The following SPRED3 variants were observed in gnomAD, a reference collection of about 807,000 sequenced individuals.
SPRED3 encodes sprouty related EVH1 domain containing 3.
In SPRED3, 23 loss-of-function variants were observed where a neutral mutation model predicts 37.6. That is an observed-to-expected ratio of 0.61 (90% confidence interval 0.44 to 0.87). The LOEUF is 0.87. SPRED3 is among the 40% of genes least tolerant of loss of function. The pLI, the probability that SPRED3 is intolerant of heterozygous loss-of-function variation, is 0.00. For missense variants in SPRED3, 584 were observed against 618.6 expected, an observed-to-expected ratio of 0.94 and a Z score of 0.59; for synonymous variants, 302 against 279.6, an observed-to-expected ratio of 1.08 and a Z score of -0.80.
At chr19:38,392,612 AT>A (rs1034365136) in intron 4 of SPRED3, 16 of 215,766 alleles carry the variant, frequency 7.4e-5, no homozygotes, top group Admixed American at 2.3e-4. Flanking sequence ...ATTAAAAAAA[AT>A]ATATATATAA....
chr19:38,390,453 C>G lies in SPRED3; in HGVS notation c.151C>G (p.His51Asp). 1 of 1,391,094 alleles carries G rather than the reference C, an allele frequency of 7.2e-7. No homozygotes were observed. The highest frequency in any genetic ancestry group is 9.3e-7 in the Non-Finnish European group (1 of 1,069,974). The allele number at this position is 1,391,094 out of a possible 1,614,324, so 86.2% of individuals were successfully genotyped here. ...GGCCCGCCAGGGGCACTACGTCATC[C>G]ACGGGGAACGCCTCCGGGACCAGAA... ...GGARQGHYVI[H>D]GERLRDQKTT... The change falls in exon 2 of 6, where the codon CAC becomes GAC. Residue 51 changes from histidine to aspartate, a missense_variant. Physicochemically the swap from His to Asp is moderately conservative, Grantham distance 81. Transcript: ENST00000691638.
chr19:38,394,599 G>C lies in SPRED3; in HGVS notation c.424-44G>C. On this transcript the variant is annotated intron_variant, in intron 4 of 5. Transcript: ENST00000691638. ...GGGGGTCTATGTGAGGGCATCGGCT[G>C]TGCGGGGGCGTGTCCCCGCGCTGAG... The C allele has an allele frequency of 4.5e-6, 7 of 1,563,306 alleles. No individual in the cohort carries two copies. In the South Asian group the frequency reaches 8.1e-5, roughly 18 times the overall value.
Position 38,395,132 on chromosome 19 carries a change from A to G in SPRED3, c.567+346A>G, listed in dbSNP as rs1337147357. 6.6e-6 allele frequency among the ~76,000 whole-genome samples: 1 copy of G among 152,136 alleles called. No homozygotes were observed. The highest frequency in any genetic ancestry group is 1.5e-5 in the Non-Finnish European group (1 of 68,014). ...GGGGAGGGTGGGAGAGTCGGTACCCAGAAGGGTAAAAGAGGCCCAGGAACC... is the reference window on the plus strand; with the variant it reads ...GGGGAGGGTGGGAGAGTCGGTACCCGGAAGGGTAAAAGAGGCCCAGGAACC... On this transcript the variant is annotated intron_variant, in intron 5 of 5. Transcript: ENST00000691638. This position sits in a 1 kb window ranked among gnomAD's most constrained non-coding sequence, Gnocchi z 5.2.
rs538248708 is a variant in SPRED3 at position 38,396,200 on chromosome 19, G to C, written c.*55G>C. 6.2e-4 allele frequency: 735 copies of C among 1,194,918 alleles called. 1 individual carries two copies. Among genetic ancestry groups the C allele is most frequent in the Non-Finnish European group, 7.1e-4 (675 of 957,278 alleles). 74.0% of individuals were successfully genotyped at this position (1,194,918 alleles called of 1,614,324 possible). ...CGAGGACCCAAAATTGAGGGTCCAG[G>C]ACCCCGGACTCCGTTCGGACCTAAA... is the stretch of plus-strand genomic sequence containing the variant. On this transcript the variant is annotated 3_prime_UTR_variant, in exon 6 of 6. Coordinates refer to ENST00000691638, the MANE Select transcript of SPRED3 (RefSeq NM_001394336.1).
Position 38,395,766 on chromosome 19 carries a change from C to G in SPRED3, c.854C>G (p.Ala285Gly). Residue 285 changes from alanine to glycine, a missense_variant, in exon 6 of 6, where the codon GCC becomes GGC. Ala to Gly is a moderately conservative substitution (Grantham distance 60, BLOSUM62 0). Coordinates refer to ENST00000691638, the MANE Select transcript of SPRED3 (RefSeq NM_001394336.1). This position sits in a 1 kb window ranked among gnomAD's most constrained non-coding sequence, Gnocchi z 5.2. Reference sequence around the variant, plus strand: ...GGCCCGGGCCCATCCTCTGCGCCTGCCAAGGCCTCCCCGGAAGCGGAGGAG... The same window carrying G: ...GGCCCGGGCCCATCCTCTGCGCCTGGCAAGGCCTCCCCGGAAGCGGAGGAG... ...PPGPGPSSAP[A>G]KASPEAEEAA... The G allele has an allele frequency of 6.8e-7, 1 of 1,461,716 alleles. No individual in the cohort carries two copies. Among genetic ancestry groups the G allele is most frequent in the Non-Finnish European group, 9.0e-7 (1 of 1,115,694 alleles). 90.5% of individuals were successfully genotyped at this position (1,461,716 alleles called of 1,614,324 possible).
rs543209859 is a variant in SPRED3 at position 38,392,322 on chromosome 19, G to A, written c.423+34G>A. The A allele has an allele frequency of 5.4e-6, 8 of 1,475,004 alleles. No individual in the cohort carries two copies. In the East Asian group the frequency reaches 9.9e-5, roughly 18 times the overall value. 91.4% of individuals were successfully genotyped at this position (1,475,004 alleles called of 1,614,324 possible). On this transcript the variant is annotated intron_variant, in intron 4 of 5. Transcript: ENST00000691638. ...CCAGGATGCCTCTCTGCTGGGGGAG[G>A]GTAGGGGTTTTGTTTTTATTCTATG...
rs1002456043 is a variant in SPRED3 at position 38,396,454 on chromosome 19, A to G, written c.*309A>G. The G allele has an allele frequency of 1.3e-5, 3 of 232,564 alleles. No homozygotes were observed. The highest frequency in any genetic ancestry group is 2.5e-5 in the Non-Finnish European group (3 of 121,246). The allele number at this position is 232,564 out of a possible 1,614,324, so 14.4% of individuals were successfully genotyped here. A position where few individuals can be genotyped will look rare whatever the true frequency, so the allele number is the denominator to read the frequency against. On this transcript the variant is annotated 3_prime_UTR_variant, in exon 6 of 6. Coordinates refer to ENST00000691638, the MANE Select transcript of SPRED3 (RefSeq NM_001394336.1). ...TTGCATCTCAGAAAGGCCAGGGAGC[A>G]CATAGATCCCGAAAAGGGCAGGTCC...
At chr19:38,394,607 G>C in intron 4 of SPRED3, 36 bp from the exon 5 acceptor site, 1 of 1,569,004 alleles carries the variant, frequency 6.4e-7, no homozygotes, top group Non-Finnish European at 8.6e-7. Context: ...CTGTGCGGGG[G>C]CGTGTCCCCG....
At position 38,395,668 on chromosome 19, in the gene SPRED3, G is replaced by C. The variant is rs917637604; in HGVS notation, c.756G>C (p.Leu252=). ...CCGGCGCGTTGAGGGGCGCTGCCCT[G>C]GGTCCCCCAGCGGCACTACCTGCCC... is the stretch of plus-strand genomic sequence containing the variant. ...AKTGALRGAA[L]GPPAALPAPL... is the part of the protein sequence containing the mutation. Residue 252 remains leucine, a synonymous_variant, in exon 6 of 6, where the codon CTG becomes CTC. Coordinates refer to ENST00000691638, the MANE Select transcript of SPRED3 (RefSeq NM_001394336.1). The surrounding 1 kb of genome is among the most constrained non-coding windows in gnomAD (Gnocchi z 5.2). 2 of 1,508,366 alleles carry C rather than the reference G, an allele frequency of 1.3e-6. No individual in the cohort carries two copies. Among genetic ancestry groups the C allele is most frequent in the Middle Eastern group, 2.2e-4 (1 of 4,514 alleles). 93.4% of individuals were successfully genotyped at this position (1,508,366 alleles called of 1,614,324 possible). A position where few individuals can be genotyped will look rare whatever the true frequency, so the allele number is the denominator to read the frequency against.
At chr19:38,391,873 G>A in intron 2 of SPRED3, 73 bp from the exon 3 acceptor site, 1 of 1,559,826 alleles carries the variant, frequency 6.4e-7, no homozygotes, top group South Asian at 1.2e-5. Context: ...ATGCATGGGG[G>A]CTGGTGATGG....
intron 4 of SPRED3, 168 bp from the exon 5 acceptor site, chr19:38,394,475 A>T: frequency 6.7e-7 from 1 of 1,486,202 alleles, no homozygotes; most frequent in Non-Finnish European, 9.4e-7. Flanking sequence ...AGGCTCAAAG[A>T]GGTGAGCTCA....
In SPRED3 at chr19:38,396,153, C is replaced by G; in HGVS notation, c.*8C>G. ...GAGGAGGCTGCGCGGTGAGGACGGC[C>G]TGGTGGGTCCCCTAGCCGGCCCGAG... On this transcript the variant is annotated 3_prime_UTR_variant, in exon 6 of 6. Coordinates refer to ENST00000691638, the MANE Select transcript of SPRED3 (RefSeq NM_001394336.1). 3.2e-6 allele frequency: 4 copies of G among 1,262,978 alleles called. No individual in the cohort carries two copies. The highest frequency in any genetic ancestry group is 4.0e-6 in the Non-Finnish European group (4 of 1,006,066). 78.2% of individuals were successfully genotyped at this position (1,262,978 alleles called of 1,614,324 possible). A position where few individuals can be genotyped will look rare whatever the true frequency, so the allele number is the denominator to read the frequency against.
At chr19:38,391,490 T>C (rs906017691) in intron 2 of SPRED3, among the ~76,000 whole-genome samples, 2 of 152,048 alleles carry the variant, frequency 1.3e-5, no homozygotes, top group African/African-American at 4.8e-5. Flanking sequence ...TTAACAATGT[T>C]TTGGGCCATT....
rs1026480699 is a variant in SPRED3 at position 38,390,771 on chromosome 19, C to CA, written c.177+292_177+293insA. ...TGTTCCACAGGGGGCACTGCCCCCC[C>CA]CCCCCCGCCCCGACTCACACCATGT... On this transcript the variant is annotated intron_variant, in intron 2 of 5. Coordinates refer to ENST00000691638, the MANE Select transcript of SPRED3 (RefSeq NM_001394336.1). Among the ~76,000 whole-genome samples, 9 of 115,054 alleles carry CA rather than the reference C, an allele frequency of 7.8e-5. 1 individual carries two copies. Among genetic ancestry groups the CA allele is most frequent in the African/African-American group, 9.7e-5 (3 of 31,014 alleles). 75.5% of individuals were successfully genotyped at this position (115,054 alleles called of 152,430 possible). A position where few individuals can be genotyped will look rare whatever the true frequency, so the allele number is the denominator to read the frequency against.
In SPRED3 at chr19:38,395,582, C is replaced by A; in HGVS notation, c.670C>A (p.Arg224=). 2.6e-6 allele frequency: 4 copies of A among 1,552,020 alleles called. No individual in the cohort carries two copies. The highest frequency in any genetic ancestry group is 3.5e-6 in the Non-Finnish European group (4 of 1,152,944). The change falls in exon 6 of 6, where the codon CGG becomes AGG. Residue 224 remains arginine, a synonymous_variant. Coordinates refer to ENST00000691638, the MANE Select transcript of SPRED3 (RefSeq NM_001394336.1). The surrounding 1 kb of genome is among the most constrained non-coding windows in gnomAD (Gnocchi z 5.2). ...GGGCGGCCGCGGCTACGAGGATTAC[C>A]GGCGCTCCGGGCCACCCGCGCCCCT... ...GWGGRGYEDY[R]RSGPPAPLAL...
At chr19:38,392,386 C>T in intron 4 of SPRED3, 98 bp downstream of exon 4, 1 of 1,318,810 alleles carries the variant, frequency 7.6e-7, no homozygotes, top group Non-Finnish European at 1.0e-6. Flanking sequence ...GGCACCATGC[C>T]ACACACCGGG....
At chr19:38,388,907 C>G in intron 1 of SPRED3, 100 bp downstream of exon 1, 1 of 394,486 alleles carries the variant, frequency 2.5e-6, no homozygotes. Flanking sequence ...ACCCAGGCGC[C>G]CCCAAGGCCC....
chr19:38,399,467 A>T lies in SPRED3; in HGVS notation c.*3322A>T, dbSNP rs968410304. On this transcript the variant is annotated 3_prime_UTR_variant, in exon 6 of 6. Coordinates refer to ENST00000691638, the MANE Select transcript of SPRED3 (RefSeq NM_001394336.1). ...TGTTTCTAAGCCAGTCTGTGACCTC[A>T]ATATTGTTAGTGTCAGTGCAGGCTG... is the stretch of plus-strand genomic sequence containing the variant. 1.3e-4 allele frequency: 20 copies of T among 152,012 alleles called. No individual in the cohort carries two copies. The highest frequency in any genetic ancestry group is 4.8e-4 in the African/African-American group (20 of 41,456). 9.4% of individuals were successfully genotyped at this position (152,012 alleles called of 1,614,324 possible).
rs754794602 is a variant in SPRED3 at position 38,395,627 on chromosome 19, G to C, written c.715G>C (p.Val239Leu). Reference protein sequence around the residue: ...PAPLALSTCVVRFAKTGALRG... With the variant: ...PAPLALSTCVLRFAKTGALRG... ...GCCCCTCGCCCTGTCCACCTGCGTC[G>C]TGCGCTTCGCCAAGACCGGCGCGTT... The change falls in exon 6 of 6, where the codon GTG (valine) becomes CTG (leucine). Residue 239 changes from valine (V) to leucine (L), a missense_variant. Physicochemically the swap from Val to Leu is conservative, Grantham distance 32. Around this residue, in one of 7 missense-constraint regions of SPRED3, gnomAD observed 310 missense variants for 281.1 expected, o/e 1.10. Coordinates refer to ENST00000691638, the MANE Select transcript of SPRED3 (RefSeq NM_001394336.1). This position sits in a 1 kb window ranked among gnomAD's most constrained non-coding sequence, Gnocchi z 5.2. 6.5e-7 allele frequency: 1 copy of C among 1,543,220 alleles called. No homozygotes were observed. Among genetic ancestry groups the C allele is most frequent in the Non-Finnish European group, 8.7e-7 (1 of 1,153,308 alleles).
Sources: gnomAD v4.1 joint callset for allele counts (sites outside exome capture counted in the v4.1 genomes callset) on GRCh38, gnomAD v4.1.1 for gene constraint, gnomAD v4.1.1 regional missense constraint, Gnocchi (gnomAD v3.1) non-coding constraint, MANE v1.5 for transcripts, NCBI Gene and HGNC (gene_info 2026-07-23, HGNC 2026-07-21) for gene names.